EPHA3: variants seen among roughly 807,000 people sequenced by gnomAD.
EPHA3 encodes ephrin type-A receptor 3.
In EPHA3, 42 loss-of-function variants were observed where a neutral mutation model predicts 107.1. That is an observed-to-expected ratio of 0.39 (90% CI 0.31 to 0.51). EPHA3 has a LOEUF of 0.51. EPHA3 is among the 20% of genes least tolerant of loss of function. The pLI is 0.78. For missense variants in EPHA3, 1,183 were observed against 1,211.2 expected (o/e 0.98, Z 0.35); for synonymous variants, 461 against 424.8 (o/e 1.09, Z -1.05).
chr3:89,248,881 C>T (rs1423353286), intron 3 of EPHA3, among the ~76,000 whole-genome samples: 2 of 152,228 alleles, frequency 1.3e-5, no homozygotes, highest in Non-Finnish European at 2.9e-5. Flanking sequence ...CCATAACACA[C>T]AGCATACTTC....
Position 89,114,143 on chromosome 3 carries a change from C to T in EPHA3, c.88+6307C>T, listed in dbSNP as rs1166684518. On this transcript the variant is annotated intron_variant, in intron 1 of 16. Coordinates refer to ENST00000336596, the MANE Select transcript of EPHA3 (RefSeq NM_005233.6). ...CAAACAAACTGTTGTGAATATTCCT[C>T]GCCATGGACAGGAGTAGCCACAGGA... 2.6e-5 allele frequency among the ~76,000 whole-genome samples: 4 copies of T among 152,182 alleles called. No individual in the cohort carries two copies. In the East Asian group the frequency reaches 7.7e-4, roughly 29 times the overall value.
chr3:89,316,310 T>A (rs1177651340), intron 3 of EPHA3, among the ~76,000 whole-genome samples: 1 of 151,404 alleles, frequency 6.6e-6, no homozygotes, highest in Non-Finnish European at 1.5e-5. Flanking sequence ...GAAAGATGCT[T>A]TGATCCTCTT....
intron 2 of EPHA3, among the ~76,000 whole-genome samples, chr3:89,138,296 T>C (rs1704357955): frequency 6.6e-6 from 1 of 151,910 alleles, no homozygotes; most frequent in African/African-American, 2.4e-5. Flanking sequence ...CAAATTTATC[T>C]CATGTATTCT....
chr3:89,248,505 G>C (rs527731956), intron 3 of EPHA3, among the ~76,000 whole-genome samples: 2 of 152,048 alleles, frequency 1.3e-5, no homozygotes, highest in Non-Finnish European at 2.9e-5. Context: ...ATTTAATATC[G>C]TGAATTCTTT....
chr3:89,411,783 A>G (rs1447023444), intron 9 of EPHA3, among the ~76,000 whole-genome samples: 3 of 151,906 alleles, frequency 2.0e-5, no homozygotes. Flanking sequence ...GGGCATCTGC[A>G]GTCTCCACAA....
chr3:89,261,919 C>G (rs908428285), intron 3 of EPHA3, among the ~76,000 whole-genome samples: 2 of 151,674 alleles, frequency 1.3e-5, no homozygotes, highest in African/African-American at 4.8e-5. Flanking sequence ...AACACACAGA[C>G]ACCCACACAT....
intron 3 of EPHA3, among the ~76,000 whole-genome samples, chr3:89,230,307 A>G (rs1294354605): frequency 1.3e-5 from 2 of 152,104 alleles, no homozygotes; most frequent in African/African-American, 4.8e-5. Flanking sequence ...TAGGTGTATC[A>G]TCTCCATCAC....
chr3:89,355,093 G>GA lies in EPHA3; in HGVS notation c.1306+13011dup, dbSNP rs905659327. On this transcript the variant is annotated intron_variant, in intron 5 of 16. Coordinates refer to ENST00000336596, the MANE Select transcript of EPHA3 (RefSeq NM_005233.6). ...CTCCTTTCCCTTTTCATTTCAATTG[G>GA]AAAAAAAATAATTATAACAAATTGA... 5.5e-5 allele frequency among the ~76,000 whole-genome samples: 8 copies of GA among 146,350 alleles called. 1 individual carries two copies. The highest frequency in any genetic ancestry group is 7.6e-5 in the African/African-American group (3 of 39,656).
At chr3:89,327,239 A>G (rs1170870548) in intron 3 of EPHA3, among the ~76,000 whole-genome samples, 1 of 152,160 alleles carries the variant, frequency 6.6e-6, no homozygotes, top group Non-Finnish European at 1.5e-5. Context: ...CTTACAAGAT[A>G]TATCAATTTT....
intron 5 of EPHA3, among the ~76,000 whole-genome samples, chr3:89,353,771 G>GGCC: frequency 6.6e-6 from 1 of 151,310 alleles, no homozygotes; most frequent in East Asian, 1.9e-4. Context: ...TGTCCTGACA[G>GGCC]TTATTCAAAA....
At chr3:89,395,706 T>C in intron 5 of EPHA3, 131 bp from the exon 6 acceptor site, 1 of 1,143,122 alleles carries the variant, frequency 8.7e-7, no homozygotes, top group Non-Finnish European at 1.2e-6. Flanking sequence ...AAATAGTGCT[T>C]TCTTGCCAAA....
At chr3:89,455,813 C>T (rs573746895) in intron 15 of EPHA3, among the ~76,000 whole-genome samples, 5 of 152,316 alleles carry the variant, frequency 3.3e-5, no homozygotes, top group South Asian at 4.1e-4. Context: ...CATTCTGTGG[C>T]AGCACCAGTG....
intron 7 of EPHA3, chr3:89,400,122 T>G: frequency 1.1e-6 from 1 of 915,772 alleles, no homozygotes; most frequent in African/African-American, 1.8e-5. Context: ...AAGGTAAAAT[T>G]ATGTCTATGG....
chr3:89,353,899 G>A (rs1057420884), intron 5 of EPHA3, among the ~76,000 whole-genome samples: 8 of 151,114 alleles, frequency 5.3e-5, no homozygotes, highest in Admixed American at 3.3e-4. Flanking sequence ...TTTTATATAC[G>A]ACTCTAATTA....
chr3:89,392,386 C>T (rs1400032456), intron 5 of EPHA3, among the ~76,000 whole-genome samples: 7 of 151,460 alleles, frequency 4.6e-5, no homozygotes, highest in African/African-American at 7.3e-5. Context: ...TGCAGTGAGC[C>T]GAGATTGCAC....
chr3:89,120,466 ATT>A (rs1707352925), intron 1 of EPHA3, among the ~76,000 whole-genome samples: 1 of 152,168 alleles, frequency 6.6e-6, no homozygotes, highest in African/African-American at 2.4e-5. Context: ...TGAAAGGATT[ATT>A]TTGTTATAAG....
chr3:89,322,426 C>T (rs1707064833), intron 3 of EPHA3, among the ~76,000 whole-genome samples: 3 of 151,930 alleles, frequency 2.0e-5, no homozygotes, highest in African/African-American at 7.2e-5. Context: ...GGACAAGTGG[C>T]TGAAAGTTGA....
intron 2 of EPHA3, among the ~76,000 whole-genome samples, chr3:89,132,634 C>T (rs891466021): frequency 3.3e-5 from 5 of 152,142 alleles, no homozygotes; most frequent in African/African-American, 1.2e-4. Flanking sequence ...CTTTGAGAGA[C>T]CAAGGCAGGA....
chr3:89,473,166 T>A (rs1710440609), intron 16 of EPHA3, among the ~76,000 whole-genome samples: 1 of 152,100 alleles, frequency 6.6e-6, no homozygotes, highest in African/African-American at 2.4e-5. Context: ...GAAAATGAAG[T>A]TATAATTAGG....
Sources: allele counts gnomAD v4.1 joint callset (sites outside exome capture counted in the v4.1 genomes callset), GRCh38; gene constraint gnomAD v4.1.1; transcripts MANE v1.5; gene names NCBI Gene and HGNC (gene_info 2026-07-23, HGNC 2026-07-21).